Variants in SAG observed in about 807,000 individuals in gnomAD.
SAG encodes the protein S-arrestin.
Under a neutral mutation model 55.0 loss-of-function variants are expected in SAG, and 45 were observed. The observed-to-expected ratio is 0.82, with a 90% CI of 0.64 to 1.05. The LOEUF is 1.05. SAG is among the 50% of genes least tolerant of loss of function. SAG has a pLI of 0.00. For missense variants in SAG, 455 were observed against 512.1 expected, an observed-to-expected ratio of 0.89 and a Z score of 1.08; for synonymous variants, 189 against 197.4, an observed-to-expected ratio of 0.96 and a Z score of 0.36.
chr2:233,330,012 C>T (rs903363698), intron 9 of SAG, among the ~76,000 whole-genome samples: 1 of 152,170 alleles, frequency 6.6e-6, no homozygotes, highest in East Asian at 1.9e-4. Context: ...CACATGGAAG[C>T]GCTTTGTAAA....
chr2:233,330,223 C>A (rs1253252831), intron 9 of SAG, among the ~76,000 whole-genome samples: 4 of 152,154 alleles, frequency 2.6e-5, no homozygotes, highest in Non-Finnish European at 5.9e-5. Context: ...GTGAGGGTAA[C>A]CTCTAAGTTC....
chr2:233,320,875 A>C, intron 5 of SAG, 52 bp downstream of exon 5: 4 of 1,453,812 alleles, frequency 2.8e-6, no homozygotes, highest in African/African-American at 2.8e-5. Flanking sequence ...GCACCTTATC[A>C]TGTGGATGGG....
At chr2:233,345,805 T>G (rs1701236931) in intron 14 of SAG, 1 of 150,458 alleles carries the variant, frequency 6.6e-6, no homozygotes, top group African/African-American at 2.5e-5. Context: ...ACTGGGGGGG[T>G]TTCATGTGAG....
chr2:233,331,818 C>A, intron 10 of SAG, 106 bp downstream of exon 10: 2 of 807,658 alleles, frequency 2.5e-6, no homozygotes, highest in Non-Finnish European at 4.3e-6. Context: ...GCTAGCTCGC[C>A]AGCCTTCCAC....
intron 3 of SAG, among the ~76,000 whole-genome samples, 186 bp downstream of exon 3, chr2:233,316,321 A>G (rs1700216357): frequency 6.6e-6 from 1 of 151,488 alleles, no homozygotes; most frequent in Admixed American, 6.6e-5. Flanking sequence ...TTTTATTTTT[A>G]TTTTTTTGAG....
intron 13 of SAG, among the ~76,000 whole-genome samples, chr2:233,342,051 G>A (rs1231278364): frequency 2.6e-5 from 4 of 151,704 alleles, no homozygotes; most frequent in Admixed American, 2.0e-4. Context: ...ATGAACCCAG[G>A]AGGTGGAGGT....
chr2:233,339,652 G>A (rs1425796973), intron 12 of SAG, among the ~76,000 whole-genome samples: 1 of 148,990 alleles, frequency 6.7e-6, no homozygotes, highest in Non-Finnish European at 1.5e-5. Flanking sequence ...ATGACCTCTT[G>A]TGACTTATCT....
rs1462700635 is a variant in SAG at position 233,340,536 on chromosome 2, T to C, written c.1046+58T>C. On this transcript the variant is annotated intron_variant, in intron 13 of 15. Coordinates refer to ENST00000409110, the MANE Select transcript of SAG (RefSeq NM_000541.5). This position sits in a 1 kb window ranked among gnomAD's most constrained non-coding sequence, Gnocchi z 4.2. ...TCTCAAGATATCAAAGGCAGCAAACTTGGGGCTCCAAAACGGTTTCTGATG... is the reference window on the plus strand; with the variant it reads ...TCTCAAGATATCAAAGGCAGCAAACCTGGGGCTCCAAAACGGTTTCTGATG... The C allele has an allele frequency of 7.0e-7, 1 of 1,428,068 alleles. No individual in the cohort carries two copies. The highest frequency in any genetic ancestry group is 9.8e-7 in the Non-Finnish European group (1 of 1,021,958). 88.5% of individuals were successfully genotyped at this position (1,428,068 alleles called of 1,614,324 possible).
At chr2:233,327,523 C>T in intron 7 of SAG, 1 of 211,156 alleles carries the variant, frequency 4.7e-6, no homozygotes, top group Admixed American at 5.7e-5. Context: ...ATGAAGTTTG[C>T]CATTTTAACC....
chr2:233,309,905 A>G (rs1700030656), intron 2 of SAG, among the ~76,000 whole-genome samples: 1 of 152,224 alleles, frequency 6.6e-6, no homozygotes, highest in African/African-American at 2.4e-5. Flanking sequence ...CAGTTTTGTC[A>G]GTACCTGTGA....
At chr2:233,337,829 G>A (rs1415292398) in intron 11 of SAG, among the ~76,000 whole-genome samples, 1 of 152,046 alleles carries the variant, frequency 6.6e-6, no homozygotes, top group Non-Finnish European at 1.5e-5. Context: ...CTTAATTCCT[G>A]TTATTGGACA....
intron 5 of SAG, 23 bp downstream of exon 5, chr2:233,320,846 C>A: frequency 1.3e-6 from 2 of 1,557,108 alleles, no homozygotes; most frequent in Non-Finnish European, 8.7e-7. Flanking sequence ...TCCGGCCAGC[C>A]CTGCTTCCTT....
chr2:233,311,113 GTCC>G (rs1700065961), intron 2 of SAG, among the ~76,000 whole-genome samples: 1 of 152,042 alleles, frequency 6.6e-6, no homozygotes, highest in Admixed American at 6.6e-5. Context: ...TTGTAGATAA[GTCC>G]TCACAGGTGG....
intron 7 of SAG, 105 bp from the exon 8 acceptor site, chr2:233,328,373 G>A (rs1167692534): frequency 1.5e-6 from 2 of 1,378,586 alleles, no homozygotes; most frequent in Non-Finnish European, 2.0e-6. Context: ...GTCTCCATGG[G>A]GAGCATTCCT....
At position 233,342,331 on chromosome 2, in the gene SAG, G is replaced by C. The variant is rs759164318; in HGVS notation, c.1102+5G>C. ...ACCCTCAGCCTGAGGACCCAGGTCA[G>C]TTATGTCCTTTTTTAGCTTTCTTTA... On this transcript the variant is annotated splice_donor_5th_base_variant and intron_variant, in intron 14 of 15. Coordinates refer to ENST00000409110, the MANE Select transcript of SAG (RefSeq NM_000541.5). 2.5e-6 allele frequency: 4 copies of C among 1,602,026 alleles called. No homozygotes were observed. Among genetic ancestry groups the C allele is most frequent in the Non-Finnish European group, 8.5e-7 (1 of 1,172,842 alleles).
rs867861749 is a variant in SAG at position 233,322,954 on chromosome 2, C to T, written c.384C>T (p.Asp128=). The T allele has an allele frequency of 1.9e-6, 3 of 1,567,176 alleles. No individual in the cohort carries two copies. The highest frequency in any genetic ancestry group is 2.6e-6 in the Non-Finnish European group (3 of 1,151,344). The change falls in exon 6 of 16, where the codon GAC becomes GAT. Residue 128 remains aspartate (D), a synonymous_variant. Transcript: ENST00000409110. ...TTTGTTTCTTTCCACAGTTTCCTGA[C>T]TACTTGCCCTGTTCAGTGATGTTGC... is the stretch of plus-strand genomic sequence containing the variant. The part of the protein sequence containing the change: ...NTYPFLLTFP[D]YLPCSVMLQP...
chr2:233,342,140 AG>A, intron 13 of SAG, 130 bp from the exon 14 acceptor site: 2 of 666,936 alleles, frequency 3.0e-6, no homozygotes, highest in African/African-American at 1.9e-5. Flanking sequence ...AAAAAAAAAA[AG>A]TTCCCACTGC....
rs1429012916 is a variant in SAG at position 233,340,819 on chromosome 2, T to C, written c.1046+341T>C. Among the ~76,000 whole-genome samples the C allele has an allele frequency of 1.3e-5, 2 of 152,166 alleles. No individual in the cohort carries two copies. Among genetic ancestry groups the C allele is most frequent in the Non-Finnish European group, 2.9e-5 (2 of 68,038 alleles). On this transcript the variant is annotated intron_variant, in intron 13 of 15. Coordinates refer to ENST00000409110, the MANE Select transcript of SAG (RefSeq NM_000541.5). The surrounding 1 kb of genome is among the most constrained non-coding windows in gnomAD (Gnocchi z 4.2). ...ACATAAATTTTACCATTATATTATT[T>C]ATTTTATTTTTTGAGATGTAGTCTC...
chr2:233,328,665 C>G (rs1574942746), intron 8 of SAG, 52 bp downstream of exon 8: 1 of 1,541,914 alleles, frequency 6.5e-7, no homozygotes, highest in Non-Finnish European at 8.8e-7. Context: ...TAGGGGCAGG[C>G]CCCACACCCC....
Sources: allele counts gnomAD v4.1 joint callset (sites outside exome capture counted in the v4.1 genomes callset), GRCh38; gene constraint gnomAD v4.1.1; non-coding constraint Gnocchi (gnomAD v3.1); transcripts MANE v1.5; gene names NCBI Gene and HGNC (gene_info 2026-07-23, HGNC 2026-07-21).